The following PTPRD variants were observed in gnomAD, a reference collection of about 807,000 sequenced individuals.
The protein encoded by PTPRD is receptor-type tyrosine-protein phosphatase delta.
In PTPRD, 34 loss-of-function variants were observed where a neutral mutation model predicts 214.5. That is an observed-to-expected ratio of 0.16 (90% CI 0.12 to 0.21). PTPRD has a LOEUF of 0.21. Ranked by LOEUF, PTPRD falls within the 10% of genes least tolerant of loss-of-function variation. The probability of loss-of-function intolerance (pLI) is 1.00; values close to 1 mark genes in which losing one functional copy is unlikely to be tolerated. For synonymous variants in PTPRD, 1,128 were observed against 845.7 expected, an observed-to-expected ratio of 1.33 and a Z score of -5.79; for missense variants, 2,545 against 2,398.7, an observed-to-expected ratio of 1.06 and a Z score of -1.27.
At chr9:9,936,459 A>C (rs1383944702) in intron 5 of PTPRD, among the ~76,000 whole-genome samples, 2 of 151,130 alleles carry the variant, frequency 1.3e-5, no homozygotes, top group African/African-American at 4.9e-5. Context: ...ATGCAGCCAA[A>C]AAACACATGA....
At chr9:9,900,331 A>C (rs1566122042) in intron 5 of PTPRD, among the ~76,000 whole-genome samples, 1 of 152,214 alleles carries the variant, frequency 6.6e-6, no homozygotes, top group Non-Finnish European at 1.5e-5. Context: ...CTTCTATCAG[A>C]TATGCTAAAT....
chr9:10,143,413 ATGT>A (rs1434477818), intron 3 of PTPRD, among the ~76,000 whole-genome samples: 1 of 152,100 alleles, frequency 6.6e-6, no homozygotes, highest in Non-Finnish European at 1.5e-5. Context: ...AATATAACAG[ATGT>A]TGTTAAGGCT....
chr9:9,693,769 C>T lies in PTPRD; in HGVS notation c.-287+40764G>A, dbSNP rs2097318525. The stretch of plus-strand genomic sequence containing the variant: ...ATATTTTCTAGATCTTGTAGATGTG[C>T]TTCATTTTTTAATATTCTCTTTGCT... On this transcript the variant is annotated intron_variant, in intron 7 of 45. Transcript: ENST00000381196. 3.9e-5 allele frequency among the ~76,000 whole-genome samples: 6 copies of T among 152,204 alleles called. No homozygotes were observed. The South Asian group carries it at 1.2e-3, about 32-fold the overall frequency.
intron 12 of PTPRD, among the ~76,000 whole-genome samples, chr9:8,705,254 C>T (rs1274619504): frequency 6.6e-6 from 1 of 152,078 alleles, no homozygotes; most frequent in South Asian, 2.1e-4. Context: ...GATGGTCTCA[C>T]TTGTCACCCA....
At chr9:8,354,027 C>G (rs1468463517) in intron 39 of PTPRD, among the ~76,000 whole-genome samples, 2 of 145,240 alleles carry the variant, frequency 1.4e-5, no homozygotes, top group Admixed American at 6.9e-5. Flanking sequence ...GGTGCGATCT[C>G]AGCTCACTGC....
chr9:9,319,960 T>C (rs1371381920), intron 9 of PTPRD, among the ~76,000 whole-genome samples: 2 of 152,166 alleles, frequency 1.3e-5, no homozygotes, highest in African/African-American at 4.8e-5. Flanking sequence ...AGTGGCATTT[T>C]CACTTCAATT....
At chr9:9,511,242 C>A (rs1435191816) in intron 8 of PTPRD, among the ~76,000 whole-genome samples, 1 of 151,614 alleles carries the variant, frequency 6.6e-6, no homozygotes, top group Non-Finnish European at 1.5e-5. Flanking sequence ...ATACCCTCAT[C>A]CTCTATGGTA....
chr9:8,628,935 T>G (rs992444036), intron 14 of PTPRD, among the ~76,000 whole-genome samples: 4 of 151,760 alleles, frequency 2.6e-5, no homozygotes, highest in African/African-American at 4.8e-5. Context: ...TCCCTATAAA[T>G]AGATAAGAGC....
chr9:9,082,870 A>T (rs1242869399), intron 10 of PTPRD, among the ~76,000 whole-genome samples: 1 of 152,144 alleles, frequency 6.6e-6, no homozygotes, highest in Non-Finnish European at 1.5e-5. Context: ...CTTCAAGGAG[A>T]ACTACAAACC....
At chr9:9,369,658 T>G (rs1321144784) in intron 9 of PTPRD, among the ~76,000 whole-genome samples, 1 of 151,952 alleles carries the variant, frequency 6.6e-6, no homozygotes, top group African/African-American at 2.4e-5. Context: ...CCATTGCTTT[T>G]GGTGTTTTAG....
rs530129554 is a variant in PTPRD at position 9,521,250 on chromosome 9, G to A, written c.-237+53482C>T. Among the ~76,000 whole-genome samples, 92 of 152,212 alleles carry A rather than the reference G, an allele frequency of 6.0e-4. 1 individual carries two copies. Among genetic ancestry groups the A allele is most frequent in the Admixed American group, 2.3e-3 (35 of 15,284 alleles). On this transcript the variant is annotated intron_variant, in intron 8 of 45. Coordinates refer to ENST00000381196, the MANE Select transcript of PTPRD (RefSeq NM_002839.4). Reference sequence around the variant, plus strand: ...AGCAGAAATGGATGACTAGGTCTGCGTGATACTTTTTCCTCTTAGCTCTCA... The same window carrying A: ...AGCAGAAATGGATGACTAGGTCTGCATGATACTTTTTCCTCTTAGCTCTCA...
At chr9:10,273,562 A>C (rs543038260) in intron 3 of PTPRD, among the ~76,000 whole-genome samples, 1 of 152,256 alleles carries the variant, frequency 6.6e-6, no homozygotes, top group South Asian at 2.1e-4. Context: ...TTATTTTGTT[A>C]AAAATATCTT....
chr9:10,108,673 T>C (rs1221267551), intron 3 of PTPRD, among the ~76,000 whole-genome samples: 1 of 152,106 alleles, frequency 6.6e-6, no homozygotes, highest in African/African-American at 2.4e-5. Context: ...CTCTCATATT[T>C]ACTGCAGCAT....
chr9:10,322,390 A>G (rs1305955894), intron 3 of PTPRD, among the ~76,000 whole-genome samples: 1 of 152,092 alleles, frequency 6.6e-6, no homozygotes, highest in African/African-American at 2.4e-5. Context: ...AGGAGGTTAC[A>G]TGCTAGCCCC....
In PTPRD at chr9:10,060,888, C is replaced by T. The variant is rs1018807955; in HGVS notation, c.-544-27098G>A. 2.5e-4 allele frequency among the ~76,000 whole-genome samples: 21 copies of T among 84,352 alleles called. 1 individual carries two copies. Among genetic ancestry groups the T allele is most frequent in the African/African-American group, 1.5e-3 (10 of 6,786 alleles). The allele number at this position is 84,352 out of a possible 152,430, so 55.3% of individuals were successfully genotyped here. ...TCCTTCTTTCCTTCCTTCCTTCCTT[C>T]CTTCCTTCCTTCTTTCTTTCTTTCT... On this transcript the variant is annotated intron_variant, in intron 3 of 45. Coordinates refer to ENST00000381196, the MANE Select transcript of PTPRD (RefSeq NM_002839.4).
At chr9:10,353,490 G>T (rs1165589668) in intron 2 of PTPRD, among the ~76,000 whole-genome samples, 1 of 151,830 alleles carries the variant, frequency 6.6e-6, no homozygotes, top group Non-Finnish European at 1.5e-5. Flanking sequence ...CTGTTCTCAA[G>T]AATACAACAT....
intron 3 of PTPRD, among the ~76,000 whole-genome samples, chr9:10,334,593 CT>C (rs1227924190): frequency 2.0e-5 from 3 of 151,502 alleles, no homozygotes; most frequent in African/African-American, 7.3e-5. Flanking sequence ...AATCAATTTA[CT>C]TTGTTTGAGA....
intron 6 of PTPRD, among the ~76,000 whole-genome samples, chr9:9,752,432 G>T (rs556685650): frequency 6.6e-6 from 1 of 152,048 alleles, no homozygotes; most frequent in East Asian, 1.9e-4. Flanking sequence ...ATGAACTCAA[G>T]GTTTATTATA....
At chr9:9,297,923 T>C (rs1953721359) in intron 9 of PTPRD, among the ~76,000 whole-genome samples, 1 of 151,650 alleles carries the variant, frequency 6.6e-6, no homozygotes, top group South Asian at 2.1e-4. Flanking sequence ...CCCTATAAGA[T>C]AAGTATTCTT....
Sources: allele counts gnomAD v4.1 joint callset (sites outside exome capture counted in the v4.1 genomes callset), GRCh38; gene constraint gnomAD v4.1.1; transcripts MANE v1.5; gene names NCBI Gene and HGNC (gene_info 2026-07-23, HGNC 2026-07-21).